Variants in FBP1 observed in about 807,000 individuals in gnomAD.
The protein encoded by FBP1 is fructose-1,6-bisphosphatase 1.
In FBP1, 22 loss-of-function variants were observed where a neutral mutation model predicts 29.9. The ratio of observed to expected loss-of-function variants is 0.74; its 90% CI spans 0.53 to 1.05. FBP1 has a LOEUF of 1.05. FBP1 is among the 50% of genes least tolerant of loss of function. FBP1 has a pLI of 0.00. For missense variants in FBP1, 345 were observed against 448.2 expected, an observed-to-expected ratio of 0.77 and a Z score of 2.08; for synonymous variants, 175 against 178.6, an observed-to-expected ratio of 0.98 and a Z score of 0.16.
At chr9:94,626,230 T>A (rs1442383159) in intron 1 of FBP1, among the ~76,000 whole-genome samples, 1 of 152,228 alleles carries the variant, frequency 6.6e-6, no homozygotes, top group Non-Finnish European at 1.5e-5. Context: ...GTTCACGTAC[T>A]TTATAACTTT....
intron 1 of FBP1, among the ~76,000 whole-genome samples, chr9:94,635,086 CAAAAAAAAA>C (rs11289183): frequency 1.3e-4 from 11 of 82,256 alleles, no homozygotes; most frequent in Non-Finnish European, 2.5e-4. Flanking sequence ...GGCCCTGTCT[CAAAAAAAAA>C]AAAAAAAAAA....
At chr9:94,619,874 C>CAAAAAAAAAAAAAAAAAAAAAAAAA (rs56722632) in intron 2 of FBP1, among the ~76,000 whole-genome samples, 8 of 99,168 alleles carry the variant, frequency 8.1e-5, no homozygotes, top group African/African-American at 4.6e-4. Flanking sequence ...AACACTGTCT[C>CAAAAAAAAAAAAAAAAAAAAAAAAA]AAAAAAAAAA....
chr9:94,616,343 C>G (rs938033270), intron 3 of FBP1, among the ~76,000 whole-genome samples: 13 of 151,226 alleles, frequency 8.6e-5, no homozygotes, highest in Admixed American at 3.9e-4. Context: ...ATACTATTCT[C>G]GTGAGGTATA....
At chr9:94,628,801 T>C (rs1016180208) in intron 1 of FBP1, among the ~76,000 whole-genome samples, 2 of 152,182 alleles carry the variant, frequency 1.3e-5, no homozygotes, top group Non-Finnish European at 2.9e-5. Flanking sequence ...TTTCCATATA[T>C]CCAAGTTGAA....
At chr9:94,627,703 G>A (rs1279110324) in intron 1 of FBP1, among the ~76,000 whole-genome samples, 1 of 152,192 alleles carries the variant, frequency 6.6e-6, no homozygotes, top group Non-Finnish European at 1.5e-5. Flanking sequence ...GGACTCGACT[G>A]GAGCCTTGCA....
intron 4 of FBP1, among the ~76,000 whole-genome samples, chr9:94,607,844 A>C (rs1827723648): frequency 6.6e-6 from 1 of 152,156 alleles, no homozygotes; most frequent in African/African-American, 2.4e-5. Context: ...CATATGGAAT[A>C]CGTTGAAACC....
intron 1 of FBP1, among the ~76,000 whole-genome samples, chr9:94,636,076 G>A (rs1284663748): frequency 6.6e-6 from 1 of 152,132 alleles, no homozygotes; most frequent in Non-Finnish European, 1.5e-5. Context: ...GGATATATAT[G>A]GGGTGGGTTT....
intron 1 of FBP1, among the ~76,000 whole-genome samples, chr9:94,632,826 A>G (rs760431717): frequency 3.9e-5 from 6 of 152,202 alleles, no homozygotes; most frequent in Non-Finnish European, 5.9e-5. Flanking sequence ...CAACAGCCCA[A>G]TCCTCACAGA....
chr9:94,627,059 G>T (rs1196982562), intron 1 of FBP1, among the ~76,000 whole-genome samples: 1 of 152,076 alleles, frequency 6.6e-6, no homozygotes, highest in Non-Finnish European at 1.5e-5. Flanking sequence ...ATGGTGGCAT[G>T]TGCCTGTAAT....
At chr9:94,639,549 C>T, upstream of FBP1, 1 of 597,342 alleles carries the variant, frequency 1.7e-6, no homozygotes, top group African/African-American at 1.9e-5. Flanking sequence ...TCGCGGAAAC[C>T]TTTAGACGCG....
intron 1 of FBP1, among the ~76,000 whole-genome samples, chr9:94,622,378 C>T (rs1827961947): frequency 6.6e-6 from 1 of 152,252 alleles, no homozygotes; most frequent in African/African-American, 2.4e-5. Flanking sequence ...GGCACACCCG[C>T]GCCCTTGGCC....
chr9:94,617,726 A>C (rs371076512), intron 3 of FBP1, 42 bp downstream of exon 3: 109 of 1,328,960 alleles, frequency 8.2e-5, no homozygotes, highest in Non-Finnish European at 1.1e-4. Context: ...CTCAATCTTA[A>C]CTTCTGTCCC....
chr9:94,620,775 C>G (rs1267320460), intron 1 of FBP1, among the ~76,000 whole-genome samples: 1 of 152,084 alleles, frequency 6.6e-6, no homozygotes, highest in African/African-American at 2.4e-5. Flanking sequence ...GAGCTGGGGA[C>G]TAGGGGAGGG....
At chr9:94,622,377 G>A (rs540023346) in intron 1 of FBP1, among the ~76,000 whole-genome samples, 77 of 152,354 alleles carry the variant, frequency 5.1e-4, no homozygotes, top group Non-Finnish European at 9.0e-4. Context: ...GGGCACACCC[G>A]CGCCCTTGGC....
At chr9:94,605,601 T>G in intron 5 of FBP1, 25 bp from the exon 6 acceptor site, 1 of 1,611,996 alleles carries the variant, frequency 6.2e-7, no homozygotes, top group Non-Finnish European at 8.5e-7. Flanking sequence ...CAGCAAGAAT[T>G]AGGATTGCAG....
At chr9:94,611,314 G>T (rs1264406572) in intron 3 of FBP1, among the ~76,000 whole-genome samples, 1 of 152,160 alleles carries the variant, frequency 6.6e-6, no homozygotes, top group Non-Finnish European at 1.5e-5. Context: ...GATTCCTGCA[G>T]CTGAGCGTAA....
intron 1 of FBP1, among the ~76,000 whole-genome samples, chr9:94,628,380 T>TC (rs1261918901): frequency 3.7e-5 from 1 of 27,062 alleles, no homozygotes; most frequent in Non-Finnish European, 8.8e-5. Flanking sequence ...AGACTCTGTC[T>TC]CAAAAAAAAA....
chr9:94,624,195 G>A (rs889585861), intron 1 of FBP1, among the ~76,000 whole-genome samples: 7 of 151,660 alleles, frequency 4.6e-5, no homozygotes, highest in African/African-American at 1.5e-4. Context: ...AAAATTAGCC[G>A]GGCATGGTGG....
intron 3 of FBP1, 61 bp downstream of exon 3, chr9:94,617,707 G>A: frequency 9.3e-7 from 1 of 1,071,024 alleles, no homozygotes; most frequent in Non-Finnish European, 1.5e-6. Context: ...AGTGAAATAG[G>A]ACTGGATGCT....
Sources: gnomAD v4.1 joint callset for allele counts (sites outside exome capture counted in the v4.1 genomes callset) on GRCh38, gnomAD v4.1.1 for gene constraint, MANE v1.5 for transcripts, NCBI Gene and HGNC (gene_info 2026-07-23, HGNC 2026-07-21) for gene names.